SHROOM4: variants seen among roughly 807,000 people sequenced by gnomAD.
SHROOM4 encodes shroom family member 4, also known as protein Shroom4.
SHROOM4 carries 17 observed loss-of-function variants against 80.3 expected under a neutral mutation model. The ratio of observed to expected loss-of-function variants is 0.21; its 90% CI spans 0.14 to 0.32. SHROOM4 has a LOEUF of 0.32. SHROOM4 is among the 10% of genes least tolerant of loss of function. SHROOM4 has a pLI of 1.00. For synonymous variants in SHROOM4, 400 were observed against 437.5 expected, an observed-to-expected ratio of 0.91 and a Z score of 1.07; for missense variants, 993 against 1,140.3, an observed-to-expected ratio of 0.87 and a Z score of 1.86.
At chrX:50,648,095 T>TG (rs1172079284) in intron 2 of SHROOM4, among the ~76,000 whole-genome samples, 1 of 111,981 alleles carries the variant, frequency 8.9e-6, no homozygotes, top group East Asian at 2.8e-4. Flanking sequence ...GATTTGTGTG[T>TG]GTGGGGGTCA....
chrX:50,690,948 C>T (rs1933204185), intron 2 of SHROOM4, among the ~76,000 whole-genome samples: 1 of 112,607 alleles, frequency 8.9e-6, no homozygotes, highest in Admixed American at 9.4e-5. Flanking sequence ...GCCTGGGCAA[C>T]AAAGCAAGAC....
chrX:50,704,865 C>T (rs1360012162), intron 1 of SHROOM4, among the ~76,000 whole-genome samples: 2 of 111,341 alleles, frequency 1.8e-5, no homozygotes, highest in Admixed American at 1.9e-4. Context: ...GCCCCCTTTC[C>T]TTGGCAGTAA....
chrX:50,600,345 A>G (rs1473894628), intron 7 of SHROOM4, among the ~76,000 whole-genome samples: 1 of 111,400 alleles, frequency 9.0e-6, no homozygotes, highest in Non-Finnish European at 1.9e-5. Flanking sequence ...TGTGGTTAAG[A>G]GCACAGAGAC....
chrX:50,666,481 C>T (rs782263212), intron 2 of SHROOM4, among the ~76,000 whole-genome samples: 287 of 111,725 alleles, frequency 2.6e-3, no homozygotes, highest in African/African-American at 8.1e-3. Flanking sequence ...CTCTTCATCA[C>T]TTCATGAGCA....
intron 1 of SHROOM4, among the ~76,000 whole-genome samples, chrX:50,742,167 G>A (rs1225086385): frequency 1.8e-5 from 2 of 109,667 alleles, no homozygotes; most frequent in Admixed American, 2.0e-4. Flanking sequence ...CCTGCTTTGT[G>A]CTATTATTGT....
chrX:50,650,534 T>C (rs1932003595), intron 2 of SHROOM4, among the ~76,000 whole-genome samples: 1 of 108,710 alleles, frequency 9.2e-6, no homozygotes, highest in South Asian at 4.1e-4. Flanking sequence ...TTTTTTTTTG[T>C]ATTTTAGTAG....
At chrX:50,731,358 C>T (rs149842681) in intron 1 of SHROOM4, among the ~76,000 whole-genome samples, 45 of 111,643 alleles carry the variant, frequency 4.0e-4, no homozygotes, top group African/African-American at 1.5e-3. Context: ...GCTAAGAACA[C>T]AGAACTCCTT....
At chrX:50,732,351 G>A (rs1224724254) in intron 1 of SHROOM4, among the ~76,000 whole-genome samples, 1 of 111,364 alleles carries the variant, frequency 9.0e-6, no homozygotes, top group African/African-American at 3.3e-5. Flanking sequence ...GCTCCAGAAG[G>A]GAAGGGCTAG....
At chrX:50,599,475 T>G (rs2147212214) in intron 7 of SHROOM4, among the ~76,000 whole-genome samples, 1 of 111,757 alleles carries the variant, frequency 8.9e-6, no homozygotes, top group South Asian at 3.8e-4. Flanking sequence ...CTTTACCCAC[T>G]GCATTGAGTC....
chrX:50,656,537 C>A (rs1557259469), intron 2 of SHROOM4, among the ~76,000 whole-genome samples: 2 of 111,575 alleles, frequency 1.8e-5, no homozygotes, highest in African/African-American at 6.5e-5. Flanking sequence ...TTCTTGACAC[C>A]TTTGTTGAAG....
rs1162865717 is a variant in SHROOM4 at position 50,592,454 on chromosome X, A to G, written c.*4241T>C. The G allele has an allele frequency of 8.6e-6, 2 of 231,489 alleles. No individual in the cohort carries two copies. The highest frequency in any genetic ancestry group is 1.6e-5 in the Non-Finnish European group (2 of 125,978). The allele number at this position is 231,489 out of a possible 1,213,427, so 19.1% of individuals were successfully genotyped here. A position where few individuals can be genotyped will look rare whatever the true frequency, so the allele number is the denominator to read the frequency against. ...GAAGTTGAGCTAGTAGCCCAGGTTC[A>G]TTGAATAAGTGGCAGAACCAGGATT... On this transcript the variant is annotated 3_prime_UTR_variant, in exon 9 of 9. Coordinates refer to ENST00000376020, the MANE Select transcript of SHROOM4 (RefSeq NM_020717.5).
rs1321395865 is a variant in SHROOM4, at chrX:50,596,707, G to A, written c.4470C>T (p.Pro1490=). Reference sequence around the variant, plus strand: ...AGTGCTGGTAGAATTAGAAATTGCTGGGCCCCAGGAGTAGACTCTCCCTGA... The same window carrying A: ...AGTGCTGGTAGAATTAGAAATTGCTAGGCCCCAGGAGTAGACTCTCCCTGA... ...KCLRESLLLG[P]SNF Residue 1490 remains proline (P), a synonymous_variant, in exon 9 of 9, where the codon CCC becomes CCT. Coordinates refer to ENST00000376020, the MANE Select transcript of SHROOM4 (RefSeq NM_020717.5). 8.3e-7 allele frequency: 1 copy of A among 1,209,049 alleles called. No individual in the cohort carries two copies. Among genetic ancestry groups the A allele is most frequent in the African/African-American group, 1.7e-5 (1 of 57,298 alleles).
At chrX:50,656,695 C>CT (rs1375265734) in intron 2 of SHROOM4, among the ~76,000 whole-genome samples, 153 of 103,277 alleles carry the variant, frequency 1.5e-3, no homozygotes, top group African/African-American at 4.6e-3. Flanking sequence ...ATGCCTCCAG[C>CT]TTTTTTTTTT....
At chrX:50,684,599 T>C (rs1032403044) in intron 2 of SHROOM4, among the ~76,000 whole-genome samples, 6 of 111,859 alleles carry the variant, frequency 5.4e-5, no homozygotes, top group Non-Finnish European at 1.1e-4. Flanking sequence ...AAGAGCACAA[T>C]ACCTAAAGAT....
At chrX:50,611,004 A>G (rs1929946606) in intron 5 of SHROOM4, among the ~76,000 whole-genome samples, 1 of 111,480 alleles carries the variant, frequency 9.0e-6, no homozygotes, top group African/African-American at 3.3e-5. Flanking sequence ...ACTGAAACAG[A>G]CTGTATTTTT....
intron 5 of SHROOM4, among the ~76,000 whole-genome samples, chrX:50,625,353 G>C (rs1243883481): frequency 2.7e-5 from 3 of 111,742 alleles, no homozygotes; most frequent in Non-Finnish European, 3.8e-5. Flanking sequence ...ATTATGACTT[G>C]AGGAAGCCTG....
In SHROOM4 at chrX:50,607,418, A is replaced by G; in HGVS notation, c.3724T>C (p.Trp1242Arg). Residue 1242 changes from tryptophan to arginine, a missense_variant, in exon 6 of 9, where the codon TGG (tryptophan) becomes CGG (arginine). Transcript: ENST00000376020. ...PPCYYGIGGLWRTSGQEATES... is the reference protein window; with the variant it reads ...PPCYYGIGGLRRTSGQEATES... ...GTGGCTTCCTGTCCCGATGTCCTCC[A>G]AAGCCCACCAATGCCATAGTAGCAA... is the stretch of plus-strand genomic sequence containing the variant. The G allele has an allele frequency of 8.3e-7, 1 of 1,211,760 alleles. No individual in the cohort carries two copies. The highest frequency in any genetic ancestry group is 1.1e-6 in the Non-Finnish European group (1 of 895,508).
chrX:50,613,624 CA>C (rs1297151530), intron 5 of SHROOM4, among the ~76,000 whole-genome samples: 1 of 111,509 alleles, frequency 9.0e-6, no homozygotes, highest in Non-Finnish European at 1.9e-5. Context: ...GATCTATACG[CA>C]AAAACTTTAA....
intron 1 of SHROOM4, among the ~76,000 whole-genome samples, chrX:50,721,068 T>C (rs1416993347): frequency 9.0e-6 from 1 of 111,244 alleles, no homozygotes; most frequent in African/African-American, 3.3e-5. Flanking sequence ...TTTGAAAAGA[T>C]CACTGTGGCA....
Sources: gnomAD v4.1 joint callset for allele counts (sites outside exome capture counted in the v4.1 genomes callset) on GRCh38, gnomAD v4.1.1 for gene constraint, MANE v1.5 for transcripts, NCBI Gene and HGNC (gene_info 2026-07-23, HGNC 2026-07-21) for gene names.